Variants in PTPRE observed in about 807,000 individuals in gnomAD.
PTPRE encodes receptor-type tyrosine-protein phosphatase epsilon.
In PTPRE, 51 loss-of-function variants were observed where a neutral mutation model predicts 102.0. The observed-to-expected ratio is 0.50, with a 90% confidence interval of 0.40 to 0.63. The LOEUF is 0.63. Ranked by LOEUF, PTPRE falls within the 30% of genes least tolerant of loss-of-function variation. PTPRE has a pLI of 0.00. For synonymous variants in PTPRE, 345 were observed against 348.2 expected (o/e 0.99, Z 0.10); for missense variants, 752 against 915.1 (o/e 0.82, Z 2.30).
intron 3 of PTPRE, among the ~76,000 whole-genome samples, chr10:128,046,052 T>C (rs962587565): frequency 3.9e-5 from 6 of 152,200 alleles, no homozygotes; most frequent in Non-Finnish European, 7.3e-5. Flanking sequence ...CTCTGTGAAC[T>C]TCAACATCTA....
At chr10:127,930,244 CG>C (rs1437816481) in intron 1 of PTPRE, among the ~76,000 whole-genome samples, 2 of 151,630 alleles carry the variant, frequency 1.3e-5, no homozygotes, top group East Asian at 3.9e-4. Context: ...ACCCTGCCCC[CG>C]AAAAAAAAAA....
intron 7 of PTPRE, among the ~76,000 whole-genome samples, chr10:128,057,744 TGTG>T (rs1314957786): frequency 6.6e-6 from 1 of 152,168 alleles, no homozygotes; most frequent in Non-Finnish European, 1.5e-5. Flanking sequence ...CAGGAGGTCA[TGTG>T]GTGGCCACAC....
In PTPRE at chr10:127,912,373, G is replaced by A. The variant is rs150913192; in HGVS notation, c.-31+5064G>A. Among the ~76,000 whole-genome samples the A allele has an allele frequency of 8.4e-3, 1,272 of 152,272 alleles. 6 individuals are homozygous for A. Among genetic ancestry groups the A allele is most frequent in the Admixed American group, 0.015 (228 of 15,302 alleles). On this transcript the variant is annotated intron_variant, in intron 1 of 20. Transcript: ENST00000254667. ...GGGCCAGATAAAATATTTTAAAAGG[G>A]CATCTGTTTTTAAAAATATCTTTCA... is the stretch of plus-strand genomic sequence containing the variant.
At chr10:128,060,332 C>T (rs113311816) in intron 7 of PTPRE, among the ~76,000 whole-genome samples, 191 of 152,268 alleles carry the variant, frequency 1.3e-3, no homozygotes, top group African/African-American at 4.0e-3. Flanking sequence ...CCTTCTACCC[C>T]GGAAAACTGC....
At chr10:128,072,110 A>G in intron 15 of PTPRE, 28 bp from the exon 16 acceptor site, 1 of 1,601,672 alleles carries the variant, frequency 6.2e-7, no homozygotes, top group Non-Finnish European at 8.5e-7. Flanking sequence ...CCTTTTTGTA[A>G]TAACTAAAGG....
chr10:128,077,970 A>C (rs932906460), intron 19 of PTPRE, among the ~76,000 whole-genome samples, 187 bp downstream of exon 19: 6 of 152,240 alleles, frequency 3.9e-5, no homozygotes, highest in African/African-American at 1.2e-4. Context: ...TCATCGTATC[A>C]TACATAAGAT....
intron 2 of PTPRE, among the ~76,000 whole-genome samples, chr10:128,015,524 A>G (rs1029588388): frequency 1.3e-5 from 2 of 151,838 alleles, no homozygotes; most frequent in East Asian, 3.9e-4. Flanking sequence ...CCGCCACCAC[A>G]CCTAGCTAAT....
chr10:128,010,545 C>CCTTTTCTTTTCTTTTCTTT, intron 2 of PTPRE, among the ~76,000 whole-genome samples: 1 of 128,330 alleles, frequency 7.8e-6, no homozygotes, highest in Non-Finnish European at 1.6e-5. Context: ...AAACCCTGTT[C>CCTTTTCTTTTCTTTTCTTT]CTTTTCTTTT....
At chr10:127,930,638 T>C (rs1847359728) in intron 1 of PTPRE, among the ~76,000 whole-genome samples, 2 of 152,174 alleles carry the variant, frequency 1.3e-5, no homozygotes, top group African/African-American at 4.8e-5. Context: ...GTAGATAGGA[T>C]GGGATTGCTG....
At chr10:128,029,083 G>A (rs1846505299) in intron 2 of PTPRE, among the ~76,000 whole-genome samples, 1 of 152,176 alleles carries the variant, frequency 6.6e-6, no homozygotes, top group African/African-American at 2.4e-5. Flanking sequence ...GATAAGAGTG[G>A]GTGGCTTTCA....
At chr10:127,941,443 G>A (rs1426379011) in intron 1 of PTPRE, among the ~76,000 whole-genome samples, 2 of 152,240 alleles carry the variant, frequency 1.3e-5, no homozygotes, top group African/African-American at 4.8e-5. Flanking sequence ...TGAGCCGAGG[G>A]GAGCAACACC....
In PTPRE at chr10:128,071,475, G is replaced by T. The variant is rs568660738; in HGVS notation, c.1387+574G>T. 9.6e-4 allele frequency: 152 copies of T among 157,960 alleles called. 1 individual carries two copies. Among genetic ancestry groups the T allele is most frequent in the South Asian group, 2.3e-3 (13 of 5,568 alleles). The allele number at this position is 157,960 out of a possible 1,614,324, so 9.8% of individuals were successfully genotyped here. On this transcript the variant is annotated intron_variant, in intron 15 of 20. Transcript: ENST00000254667. ...TGTGGGAGGAGTGGAGGCAAAGCTG[G>T]CAAGAAGACAGGGCCACATGCAGTG... is the stretch of plus-strand genomic sequence containing the variant.
chr10:127,907,143 A>C lies in PTPRE; in HGVS notation c.-197A>C, dbSNP rs1845527275. ...TAGGCTGCGGACAGCGGGCGGCAGG[A>C]GCCGGCGCGAGCGGCTTCAGGAACC... On this transcript the variant is annotated 5_prime_UTR_variant, in exon 1 of 21. Transcript: ENST00000254667. This position sits in a 1 kb window ranked among gnomAD's most constrained non-coding sequence, Gnocchi z 4.8. 1 of 476,280 alleles carries C rather than the reference A, an allele frequency of 2.1e-6. No individual in the cohort carries two copies. The highest frequency in any genetic ancestry group is 2.7e-6 in the Non-Finnish European group (1 of 365,546). The allele number at this position is 476,280 out of a possible 1,614,324, so 29.5% of individuals were successfully genotyped here.
chr10:127,977,802 C>T (rs1218315897), intron 1 of PTPRE, among the ~76,000 whole-genome samples: 2 of 152,198 alleles, frequency 1.3e-5, no homozygotes, highest in Non-Finnish European at 1.5e-5. Context: ...TGCCCCTGCC[C>T]CCCTTCCTAA....
At chr10:127,991,671 G>A (rs61873722) in intron 2 of PTPRE, among the ~76,000 whole-genome samples, 20,451 of 152,190 alleles carry the variant, frequency 0.13, 1,628 homozygotes, top group East Asian at 0.31. Context: ...GGGAAGTCGC[G>A]TGGGAGGTTT....
intron 2 of PTPRE, chr10:127,987,251 A>G (rs1289077013): frequency 4.0e-6 from 4 of 1,003,508 alleles, no homozygotes; most frequent in Admixed American, 3.8e-5. Context: ...CAGATTTCCT[A>G]TATAAACTCA....
chr10:128,066,143 G>A lies in PTPRE; in HGVS notation c.792G>A (p.Glu264=), dbSNP rs767743192. The change falls in exon 11 of 21, where the codon GAG becomes GAA. Residue 264 remains glutamate, a synonymous_variant. Transcript: ENST00000254667. ...WTYGNIRVCV[E]DCVVLVDYTI... is the part of the protein sequence containing the mutation. ...ATGGAAACATCCGGGTGTGCGTGGA[G>A]GACTGCGTGGTTTTGGTCGACTACA... is the stretch of plus-strand genomic sequence containing the variant. The A allele has an allele frequency of 1.2e-6, 2 of 1,614,224 alleles. No individual in the cohort carries two copies. Among genetic ancestry groups the A allele is most frequent in the East Asian group, 2.2e-5 (1 of 44,888 alleles).
intron 1 of PTPRE, among the ~76,000 whole-genome samples, chr10:127,919,041 C>T (rs1170096814): frequency 6.6e-6 from 1 of 152,128 alleles, no homozygotes; most frequent in Non-Finnish European, 1.5e-5. Context: ...TGCAAAAATT[C>T]ATTTTGTACC....
chr10:127,976,368 A>G (rs1411484333), intron 1 of PTPRE, among the ~76,000 whole-genome samples: 1 of 152,178 alleles, frequency 6.6e-6, no homozygotes, highest in Non-Finnish European at 1.5e-5. Flanking sequence ...CTTGCAAAGG[A>G]GGATTTGTCT....
Sources: allele counts gnomAD v4.1 joint callset (sites outside exome capture counted in the v4.1 genomes callset), GRCh38; gene constraint gnomAD v4.1.1; non-coding constraint Gnocchi (gnomAD v3.1); transcripts MANE v1.5; gene names NCBI Gene and HGNC (gene_info 2026-07-23, HGNC 2026-07-21).